Variants in SPIDR observed in about 807,000 individuals in gnomAD.
The protein encoded by SPIDR is DNA repair-scaffolding protein.
A neutral mutation model predicts 104.6 loss-of-function variants in SPIDR; 93 were observed. The ratio of observed to expected loss-of-function variants is 0.89; its 90% CI spans 0.75 to 1.06. The LOEUF (loss-of-function observed/expected upper bound fraction) is 1.06. Among genes scored for constraint, SPIDR ranks in the 50% least tolerant of loss-of-function variants. SPIDR has a pLI of 0.00. For missense variants in SPIDR, 1,154 were observed against 1,111.2 expected (o/e 1.04, Z -0.55); for synonymous variants, 431 against 416.9 (o/e 1.03, Z -0.41).
intron 8 of SPIDR, among the ~76,000 whole-genome samples, chr8:47,594,500 T>C (rs568880303): frequency 6.6e-6 from 1 of 152,142 alleles, no homozygotes; most frequent in Non-Finnish European, 1.5e-5. Flanking sequence ...CTAGCATGCA[T>C]AGGGACAAGT....
chr8:47,381,341 T>G (rs1171762740), intron 5 of SPIDR, among the ~76,000 whole-genome samples: 1 of 152,208 alleles, frequency 6.6e-6, no homozygotes, highest in Non-Finnish European at 1.5e-5. Context: ...TTCCCCTCAG[T>G]GTGAAGAGCA....
chr8:47,293,735 A>G (rs1554571005), intron 4 of SPIDR, 132 bp from the exon 5 acceptor site: 76 of 1,001,138 alleles, frequency 7.6e-5, no homozygotes, highest in Non-Finnish European at 9.5e-5. Context: ...GGCATGAGCT[A>G]TTGTGCCTGG....
At chr8:47,597,493 T>G (rs2061751957) in intron 9 of SPIDR, among the ~76,000 whole-genome samples, 1 of 152,202 alleles carries the variant, frequency 6.6e-6, no homozygotes, top group Non-Finnish European at 1.5e-5. Flanking sequence ...AACAGGAATT[T>G]TTCGTCTCCA....
At chr8:47,689,478 C>A (rs956797815) in intron 11 of SPIDR, among the ~76,000 whole-genome samples, 2 of 152,220 alleles carry the variant, frequency 1.3e-5, no homozygotes, top group African/African-American at 4.8e-5. Context: ...ATTTTACCCA[C>A]TTCACAGATG....
chr8:47,557,062 T>G (rs867154831), intron 8 of SPIDR, among the ~76,000 whole-genome samples: 1 of 152,186 alleles, frequency 6.6e-6, no homozygotes, highest in African/African-American at 2.4e-5. Context: ...GCAGTGGAAA[T>G]CATAGCTGCA....
rs536807162 is a variant in SPIDR at position 47,347,109 on chromosome 8, C to T, written c.526-49267C>T. 2.7e-3 allele frequency among the ~76,000 whole-genome samples: 418 copies of T among 152,306 alleles called. 1 individual carries two copies. Among genetic ancestry groups the T allele is most frequent in the African/African-American group, 9.8e-3 (408 of 41,560 alleles). ...AGAGCTATAAATTTCCCTCTACACA[C>T]TGCTTTAAATGTGTCCCAGAGATTC... On this transcript the variant is annotated intron_variant, in intron 5 of 19. Transcript: ENST00000297423.
At chr8:47,702,758 A>G (rs753707793) in intron 14 of SPIDR, among the ~76,000 whole-genome samples, 2 of 152,206 alleles carry the variant, frequency 1.3e-5, no homozygotes, top group Admixed American at 6.5e-5. Context: ...CACCGGGTGC[A>G]TCTGCCATGG....
intron 8 of SPIDR, among the ~76,000 whole-genome samples, chr8:47,522,225 AAG>A (rs2084269819): frequency 6.6e-6 from 1 of 151,970 alleles, no homozygotes; most frequent in Non-Finnish European, 1.5e-5. Flanking sequence ...GCAGGAGAAA[AAG>A]AACTGTGATA....
intron 5 of SPIDR, among the ~76,000 whole-genome samples, chr8:47,311,335 C>T (rs2044113681): frequency 6.6e-6 from 1 of 152,130 alleles, no homozygotes; most frequent in African/African-American, 2.4e-5. Flanking sequence ...AGGTCTAACA[C>T]TTGGAGTCCT....
chr8:47,315,338 T>A (rs1554588798), intron 5 of SPIDR, among the ~76,000 whole-genome samples: 1 of 152,078 alleles, frequency 6.6e-6, no homozygotes, highest in Non-Finnish European at 1.5e-5. Context: ...TCACTACATT[T>A]CAAAAGTTTG....
In SPIDR at chr8:47,260,995, G is replaced by A. The variant is rs2031966448; in HGVS notation, c.33+4G>A. ...CAGCCGCGCTCGGGGCTCTAAGGTA[G>A]GCTCTGGGGCGGGAGTGGGCGCCGC... is the stretch of plus-strand genomic sequence containing the variant. On this transcript the variant is annotated splice_donor_region_variant and intron_variant, in intron 1 of 19. Coordinates refer to ENST00000297423, the MANE Select transcript of SPIDR (RefSeq NM_001080394.4). The A allele has an allele frequency of 4.1e-6, 5 of 1,228,306 alleles. No individual in the cohort carries two copies. The highest frequency in any genetic ancestry group is 3.1e-5 in the African/African-American group (2 of 64,160). The allele number at this position is 1,228,306 out of a possible 1,614,324, so 76.1% of individuals were successfully genotyped here. A position where few individuals can be genotyped will look rare whatever the true frequency, so the allele number is the denominator to read the frequency against.
At chr8:47,544,510 A>G (rs557551529) in intron 8 of SPIDR, among the ~76,000 whole-genome samples, 94 of 152,326 alleles carry the variant, frequency 6.2e-4, no homozygotes, top group Non-Finnish European at 1.1e-3. Context: ...ATTTTGAGTT[A>G]CTTTTCATAT....
At chr8:47,541,357 T>C (rs2088095443) in intron 8 of SPIDR, among the ~76,000 whole-genome samples, 1 of 152,222 alleles carries the variant, frequency 6.6e-6, no homozygotes, top group Non-Finnish European at 1.5e-5. Flanking sequence ...TCTTTCTGAC[T>C]CAGACACTTG....
chr8:47,404,034 G>A (rs2062332618), intron 6 of SPIDR, among the ~76,000 whole-genome samples: 1 of 152,060 alleles, frequency 6.6e-6, no homozygotes, highest in Admixed American at 6.6e-5. Flanking sequence ...CAGAGCCTTT[G>A]AAAATAATAC....
At chr8:47,486,607 C>G (rs556213202) in intron 8 of SPIDR, among the ~76,000 whole-genome samples, 10 of 152,140 alleles carry the variant, frequency 6.6e-5, no homozygotes, top group South Asian at 2.1e-4. Flanking sequence ...AGAGAAAGGT[C>G]GGGTTACCCA....
chr8:47,407,150 G>T lies in SPIDR; in HGVS notation c.777-711G>T, dbSNP rs1399687328. Among the ~76,000 whole-genome samples the T allele has an allele frequency of 3.3e-5, 5 of 152,222 alleles. No individual in the cohort carries two copies. The East Asian group carries it at 5.8e-4, about 18-fold the overall frequency. On this transcript the variant is annotated intron_variant, in intron 6 of 19. Coordinates refer to ENST00000297423, the MANE Select transcript of SPIDR (RefSeq NM_001080394.4). ...TATTTATAAGCATAAATATATCTCA[G>T]TAAGTATATGTGTTCATTGATAGGT...
chr8:47,301,203 G>A (rs2042018870), intron 5 of SPIDR, among the ~76,000 whole-genome samples: 1 of 152,126 alleles, frequency 6.6e-6, no homozygotes, highest in African/African-American at 2.4e-5. Context: ...TTATGAAATG[G>A]CCTTCTTTGT....
chr8:47,681,417 T>G (rs1035952521), intron 11 of SPIDR, among the ~76,000 whole-genome samples: 1 of 152,138 alleles, frequency 6.6e-6, no homozygotes, highest in African/African-American at 2.4e-5. Flanking sequence ...TACAGTAAGC[T>G]CTACAAAACA....
At chr8:47,367,502 G>A (rs1309794646) in intron 5 of SPIDR, among the ~76,000 whole-genome samples, 4 of 152,146 alleles carry the variant, frequency 2.6e-5, no homozygotes, top group Non-Finnish European at 5.9e-5. Context: ...CTAAGTTTGC[G>A]GTAATTTGTT....
Sources: allele counts gnomAD v4.1 joint callset (sites outside exome capture counted in the v4.1 genomes callset), GRCh38; gene constraint gnomAD v4.1.1; transcripts MANE v1.5; gene names NCBI Gene and HGNC (gene_info 2026-07-23, HGNC 2026-07-21).